Variants in KNDC1 observed in about 807,000 individuals in gnomAD.
The protein encoded by KNDC1 is kinase non-catalytic C-lobe domain containing 1.
A neutral mutation model predicts 172.8 loss-of-function variants in KNDC1; 106 were observed. The observed-to-expected ratio is 0.61, with a 90% CI of 0.52 to 0.72. KNDC1 has a LOEUF of 0.72. KNDC1 is among the 30% of genes least tolerant of loss of function. KNDC1 has a pLI of 0.00. For synonymous variants in KNDC1, 1,083 were observed against 1,062.2 expected (o/e 1.02, Z -0.38); for missense variants, 2,325 against 2,394.5 (o/e 0.97, Z 0.61).
chr10:133,187,916 C>T (rs1853966134), intron 6 of KNDC1, among the ~76,000 whole-genome samples: 1 of 150,726 alleles, frequency 6.6e-6, no homozygotes, highest in African/African-American at 2.5e-5. Flanking sequence ...TCCCGCCCTC[C>T]ACCTCCATGA....
intron 28 of KNDC1, 43 bp downstream of exon 28, chr10:133,219,133 G>T (rs1845529509): frequency 1.9e-6 from 3 of 1,594,840 alleles, no homozygotes; most frequent in Non-Finnish European, 2.6e-6. Flanking sequence ...GTCCCCCGAG[G>T]CCCTCTCCTA....
intron 20 of KNDC1, 129 bp downstream of exon 20, chr10:133,207,480 G>A (rs564996591): frequency 2.0e-4 from 176 of 889,338 alleles, no homozygotes; most frequent in Middle Eastern, 3.3e-4. Context: ...ATGTTTAATC[G>A]GGGTTTAGGC....
rs1054514923 is a variant in KNDC1, at chr10:133,210,541, C to T, written c.3795-70C>T. 9.0e-6 allele frequency: 8 copies of T among 890,376 alleles called. No individual in the cohort carries two copies. In the East Asian group the frequency reaches 9.6e-5, roughly 11 times the overall value. The allele number at this position is 890,376 out of a possible 1,614,324, so 55.2% of individuals were successfully genotyped here. ...ACACACACATACAGTCACACCCCAC[C>T]ACCGAACACTAGCCGAGCCCTGGGG... On this transcript the variant is annotated intron_variant, in intron 20 of 29. Transcript: ENST00000304613.
At position 133,225,930 on chromosome 10, in the gene KNDC1, C is replaced by T. The variant is rs1383882415; in HGVS notation, c.*1040C>T. 6.6e-6 allele frequency: 1 copy of T among 152,268 alleles called. No homozygotes were observed. The highest frequency in any genetic ancestry group is 1.5e-5 in the Non-Finnish European group (1 of 68,062). 9.4% of individuals were successfully genotyped at this position (152,268 alleles called of 1,614,324 possible). A position where few individuals can be genotyped will look rare whatever the true frequency, so the allele number is the denominator to read the frequency against. On this transcript the variant is annotated 3_prime_UTR_variant, in exon 30 of 30. Coordinates refer to ENST00000304613, the MANE Select transcript of KNDC1 (RefSeq NM_152643.8). ...GTCAGCTCCACATTGGCCTCTGCAG[C>T]TGGGTGACCAGAGCCCCGGGCACGG...
chr10:133,214,213 C>T lies in KNDC1; in HGVS notation c.4677+91C>T. On this transcript the variant is annotated intron_variant, in intron 26 of 29. Transcript: ENST00000304613. ...CCTCCTATAAGGCCGTGGCCTGAAC[C>T]CTCTCCCAATGCAGTGAACCCAACT... 2.8e-6 allele frequency: 4 copies of T among 1,412,120 alleles called. No homozygotes were observed. The South Asian group carries it at 5.0e-5, about 18-fold the overall frequency. 87.5% of individuals were successfully genotyped at this position (1,412,120 alleles called of 1,614,324 possible).
chr10:133,197,173 C>T (rs757924650), intron 11 of KNDC1, 38 bp downstream of exon 11: 4 of 1,516,946 alleles, frequency 2.6e-6, no homozygotes, highest in African/African-American at 1.4e-5. Context: ...TCCTCCGCCG[C>T]GCTTAGCTTC....
chr10:133,201,760 A>G lies in KNDC1; in HGVS notation c.3249A>G (p.Pro1083=), dbSNP rs751288959. 4 of 1,564,964 alleles carry G rather than the reference A, an allele frequency of 2.6e-6. No homozygotes were observed. In the South Asian group the frequency reaches 3.6e-5, roughly 14 times the overall value. Residue 1083 remains proline, a synonymous_variant, in exon 17 of 30, where the codon CCA becomes CCG. Coordinates refer to ENST00000304613, the MANE Select transcript of KNDC1 (RefSeq NM_152643.8). ...KGVGPALSPG[P]AGFQSCSPGW... ...TCGGCCCAGCCTTGTCCCCCGGCCC[A>G]GCCGGATTCCAGAGCTGCAGCCCCG...
chr10:133,223,766 C>T (rs1299955927), intron 29 of KNDC1, among the ~76,000 whole-genome samples: 1 of 40,534 alleles, frequency 2.5e-5, no homozygotes, highest in African/African-American at 1.0e-4. Context: ...CATGCTCTTC[C>T]CGGCGTGTGT....
intron 3 of KNDC1, among the ~76,000 whole-genome samples, chr10:133,182,899 CGTG>C (rs1273123146): frequency 2.1e-5 from 3 of 143,474 alleles, no homozygotes; most frequent in Non-Finnish European, 3.1e-5. Flanking sequence ...GCATGGGTGG[CGTG>C]GGTGCGAGCA....
chr10:133,184,198 G>A (rs1324097973), intron 5 of KNDC1, among the ~76,000 whole-genome samples: 1 of 132,416 alleles, frequency 7.6e-6, no homozygotes, highest in South Asian at 2.4e-4. Context: ...CTATGCACAT[G>A]CACACCCATG....
intron 5 of KNDC1, among the ~76,000 whole-genome samples, chr10:133,185,021 A>G (rs1853849294): frequency 6.6e-6 from 1 of 152,268 alleles, no homozygotes; most frequent in Non-Finnish European, 1.5e-5. Flanking sequence ...TGGCATCGCT[A>G]CCTGCAGCAC....
chr10:133,195,270 C>T (rs963713133), intron 9 of KNDC1, among the ~76,000 whole-genome samples: 13 of 152,084 alleles, frequency 8.5e-5, no homozygotes, highest in African/African-American at 3.1e-4. Flanking sequence ...CGGCACCAGT[C>T]GGGGGGCTTC....
intron 17 of KNDC1, among the ~76,000 whole-genome samples, chr10:133,204,355 A>G (rs1854464438): frequency 6.6e-6 from 1 of 152,320 alleles, no homozygotes; most frequent in African/African-American, 2.4e-5. Context: ...TGATGTTTTA[A>G]TTTCACTGCA....
In KNDC1 at chr10:133,209,622, G is replaced by C. The variant is rs3008374; in HGVS notation, c.3795-989G>C. 0.39 allele frequency among the ~76,000 whole-genome samples: 59,095 copies of C among 151,924 alleles called. 12,523 individuals carry two copies. The highest frequency in any genetic ancestry group is 0.63 in the East Asian group (3,258 of 5,166). ...GGTTGTACAGTTTGTGGCTTGCATG[G>C]CGTGAGTGTGAGTGCTGTGCTTCCA... On this transcript the variant is annotated intron_variant, in intron 20 of 29. Coordinates refer to ENST00000304613, the MANE Select transcript of KNDC1 (RefSeq NM_152643.8). This position sits in a 1 kb window ranked among gnomAD's most constrained non-coding sequence, Gnocchi z 4.9.
intron 17 of KNDC1, among the ~76,000 whole-genome samples, chr10:133,205,674 T>G (rs1054119371): frequency 2.6e-5 from 4 of 152,122 alleles, no homozygotes; most frequent in African/African-American, 9.7e-5. Flanking sequence ...TCTTTAAGTT[T>G]AAAAGAAAGG....
rs1281178997 is a variant in KNDC1 at position 133,198,686 on chromosome 10, G to A, written c.2178G>A (p.Leu726=). ...AGGCCCACGCTGGGTCCCCCAGCCT[G>A]AAGACGCCTGACGGGCCGGTGCCTG... ...SLEAHAGSPS[L]KTPDGPVPGP... The change falls in exon 14 of 30, where the codon CTG becomes CTA. Residue 726 remains leucine (L), a synonymous_variant. Transcript: ENST00000304613. 6.3e-7 allele frequency: 1 copy of A among 1,584,748 alleles called. No homozygotes were observed. The highest frequency in any genetic ancestry group is 1.3e-5 in the African/African-American group (1 of 74,576).
intron 1 of KNDC1, among the ~76,000 whole-genome samples, chr10:133,165,778 GGA>G (rs1425046836): frequency 1.3e-5 from 2 of 152,210 alleles, no homozygotes; most frequent in Non-Finnish European, 2.9e-5. Flanking sequence ...CGGGCTCTCT[GGA>G]GTCCTGAGGA....
intron 20 of KNDC1, among the ~76,000 whole-genome samples, chr10:133,208,002 T>C (rs945882852): frequency 6.6e-6 from 1 of 152,092 alleles, no homozygotes; most frequent in African/African-American, 2.4e-5. Context: ...CTGGACCCAC[T>C]GGTCTGACCA....
In KNDC1 at chr10:133,225,586, C is replaced by G. The variant is rs1845703021; in HGVS notation, c.*696C>G. On this transcript the variant is annotated 3_prime_UTR_variant, in exon 30 of 30. Transcript: ENST00000304613. ...CAGGGCCCCCCAGCTTAGAACAGCC[C>G]TTGGTGAGGTGGTCATGCCCGGGCA... 1 of 152,746 alleles carries G rather than the reference C, an allele frequency of 6.5e-6. No homozygotes were observed. The highest frequency in any genetic ancestry group is 1.5e-5 in the Non-Finnish European group (1 of 68,482). 9.5% of individuals were successfully genotyped at this position (152,746 alleles called of 1,614,324 possible).
Sources: allele counts gnomAD v4.1 joint callset (sites outside exome capture counted in the v4.1 genomes callset), GRCh38; gene constraint gnomAD v4.1.1; non-coding constraint Gnocchi (gnomAD v3.1); transcripts MANE v1.5; gene names NCBI Gene and HGNC (gene_info 2026-07-23, HGNC 2026-07-21).